The following NKTR variants were observed in gnomAD, a reference collection of about 807,000 sequenced individuals.
The protein encoded by NKTR is NK-tumor recognition protein.
Under a neutral mutation model 156.3 loss-of-function variants are expected in NKTR, and 67 were observed. That is an observed-to-expected ratio of 0.43 (90% CI 0.35 to 0.53). NKTR has a LOEUF of 0.53. Ranked by LOEUF, NKTR falls within the 20% of genes least tolerant of loss-of-function variation. NKTR has a pLI of 0.01. For synonymous variants in NKTR, 640 were observed against 596.6 expected (o/e 1.07, Z -1.06); for missense variants, 1,604 against 1,730.9 (o/e 0.93, Z 1.30).
At chr3:42,607,202 G>A (rs1356565747) in intron 2 of NKTR, among the ~76,000 whole-genome samples, 10 of 152,102 alleles carry the variant, frequency 6.6e-5, no homozygotes, top group East Asian at 1.9e-4. Context: ...TTTTTGTGTC[G>A]ATACTGTGTT....
intron 16 of NKTR, among the ~76,000 whole-genome samples, chr3:42,644,412 GT>G (rs1242074320): frequency 6.6e-6 from 1 of 152,052 alleles, no homozygotes; most frequent in African/African-American, 2.4e-5. Flanking sequence ...AGGTTTATAT[GT>G]TGTCAATTAT....
intron 2 of NKTR, among the ~76,000 whole-genome samples, chr3:42,609,751 T>G (rs1166932096): frequency 2.0e-5 from 3 of 152,238 alleles, no homozygotes; most frequent in Admixed American, 6.5e-5. Flanking sequence ...TTTGTTTTTA[T>G]AGATCCTATA....
At chr3:42,603,385 A>C (rs866111801) in intron 2 of NKTR, among the ~76,000 whole-genome samples, 96 of 148,934 alleles carry the variant, frequency 6.4e-4, no homozygotes, top group South Asian at 2.3e-3. Flanking sequence ...AAAAAAAAAA[A>C]CAGCTTAAGA....
chr3:42,617,755 A>G (rs1707511272), intron 3 of NKTR, 111 bp downstream of exon 3: 4 of 579,148 alleles, frequency 6.9e-6, no homozygotes, highest in Non-Finnish European at 1.2e-5. Flanking sequence ...AGTTTTGTGA[A>G]TTAAAAAAAA....
intron 6 of NKTR, chr3:42,629,026 A>T (rs1708655098): frequency 1.2e-6 from 1 of 841,510 alleles, no homozygotes. Context: ...AATAAAAATA[A>T]AAGCACTCTT....
chr3:42,629,782 C>G, intron 6 of NKTR: 4 of 985,392 alleles, frequency 4.1e-6, no homozygotes, highest in Non-Finnish European at 4.8e-6. Flanking sequence ...TTCAAAATAT[C>G]TTAACCAAAT....
At chr3:42,601,551 T>C (rs1269097299) in intron 2 of NKTR, 1 of 152,388 alleles carries the variant, frequency 6.6e-6, no homozygotes, top group Admixed American at 6.5e-5. Flanking sequence ...GGAAAATGGC[T>C]TAGTGAAGAT....
chr3:42,603,316 C>T (rs866647927), intron 2 of NKTR, among the ~76,000 whole-genome samples: 48 of 145,588 alleles, frequency 3.3e-4, no homozygotes, highest in African/African-American at 1.2e-3. Context: ...GCTATGATTG[C>T]ACCACTGCAC....
rs1412908750 is a variant in NKTR at position 42,638,385 on chromosome 3, A to T, written c.2681A>T (p.Asp894Val). The T allele has an allele frequency of 6.2e-7, 1 of 1,614,018 alleles. No homozygotes were observed. The highest frequency in any genetic ancestry group is 1.7e-5 in the Admixed American group (1 of 59,976). ...GACTCTGAGTCAAATTCAGAACGAG[A>T]TGTCACTAAAAACAGTAAAAATGAC... ...KWDSESNSER[D>V]VTKNSKNDSH... Residue 894 changes from aspartate (D) to valine (V), a missense_variant, in exon 13 of 17, where the codon GAT becomes GTT. Physicochemically the swap from Asp to Val is radical, Grantham distance 152. This residue lies in a region of NKTR where 1,255 missense variants were observed against 1,243.7 expected (regional missense o/e 1.01). Coordinates refer to ENST00000232978, the MANE Select transcript of NKTR (RefSeq NM_005385.4).
At chr3:42,631,837 C>A (rs1708933665) in intron 8 of NKTR, among the ~76,000 whole-genome samples, 1 of 152,200 alleles carries the variant, frequency 6.6e-6, no homozygotes, top group African/African-American at 2.4e-5. Flanking sequence ...TCATTGCCTT[C>A]CAGGCACATT....
chr3:42,628,862 C>T (rs553672943), intron 6 of NKTR: 10 of 253,224 alleles, frequency 3.9e-5, no homozygotes, highest in Non-Finnish European at 5.6e-5. Context: ...ATTAGATGGG[C>T]CTGGTGGCGC....
At chr3:42,612,026 A>G (rs1269499769) in intron 2 of NKTR, among the ~76,000 whole-genome samples, 2 of 152,204 alleles carry the variant, frequency 1.3e-5, no homozygotes, top group Admixed American at 6.5e-5. Flanking sequence ...GCTTGAGCCC[A>G]AGAGGTTGAG....
Position 42,637,486 on chromosome 3 carries a change from TGTA to T in NKTR, c.1789_1791del (p.Val597del), listed in dbSNP as rs773238742. On this transcript the variant is annotated inframe_deletion, in exon 13 of 17. Coordinates refer to ENST00000232978, the MANE Select transcript of NKTR (RefSeq NM_005385.4). ...GAGCAACCATGGCACAAAATGAAAATGTAGTAGTACAACCAGTTGTAGCAGAAA... is the reference window on the plus strand; with the variant it reads ...GAGCAACCATGGCACAAAATGAAAATGTAGTACAACCAGTTGTAGCAGAAA... 1.1e-5 allele frequency: 18 copies of T among 1,613,620 alleles called. No homozygotes were observed. Among genetic ancestry groups the T allele is most frequent in the African/African-American group, 5.3e-5 (4 of 74,804 alleles).
chr3:42,642,671 A>T, intron 14 of NKTR, 75 bp downstream of exon 14: 1 of 1,007,410 alleles, frequency 9.9e-7, no homozygotes, highest in Middle Eastern at 2.1e-4. Flanking sequence ...CAGAGGGGGT[A>T]GTTGTTGAGA....
intron 16 of NKTR, among the ~76,000 whole-genome samples, chr3:42,644,686 G>A (rs1206496830): frequency 6.6e-6 from 1 of 152,054 alleles, no homozygotes; most frequent in East Asian, 1.9e-4. Context: ...CACTCTTTCT[G>A]GCTTCCCTCC....
chr3:42,606,868 C>CT (rs57109449), intron 2 of NKTR, among the ~76,000 whole-genome samples: 8 of 150,206 alleles, frequency 5.3e-5, no homozygotes, highest in Non-Finnish European at 1.2e-4. Flanking sequence ...TTTCGTTTGG[C>CT]TTTTTTTTTA....
chr3:42,605,707 C>T lies in NKTR; in HGVS notation c.58+4643C>T, dbSNP rs371260772. Among the ~76,000 whole-genome samples, 14 of 152,254 alleles carry T rather than the reference C, an allele frequency of 9.2e-5. No homozygotes were observed. The East Asian group carries it at 1.3e-3, about 15-fold the overall frequency. ...TGAGGGAATAGGAGAAATGCATCTC[C>T]GCTCTCAAGGTCACCCTGGGTCATA... On this transcript the variant is annotated intron_variant, in intron 2 of 16. Coordinates refer to ENST00000232978, the MANE Select transcript of NKTR (RefSeq NM_005385.4).
At position 42,617,575 on chromosome 3, in the gene NKTR, C is replaced by T; in HGVS notation, c.64C>T (p.Arg22Cys). 2.5e-6 allele frequency: 4 copies of T among 1,578,804 alleles called. No individual in the cohort carries two copies. Among genetic ancestry groups the T allele is most frequent in the Non-Finnish European group, 3.5e-6 (4 of 1,148,974 alleles). Residue 22 changes from arginine (R) to cysteine (C), a missense_variant, in exon 3 of 17, where the codon CGC becomes TGC. By Grantham distance (180) the Arg-to-Cys change is radical (BLOSUM62 -3). Coordinates refer to ENST00000232978, the MANE Select transcript of NKTR (RefSeq NM_005385.4). ...TCCTATGTATTTTATTTCAGTTGGT[C>T]GCATTATGTTTCAGCTCTTCTCAGA... Reference protein sequence around the residue: ...DIEINREPVGRIMFQLFSDIC... With the variant: ...DIEINREPVGCIMFQLFSDIC...
chr3:42,617,775 A>G, intron 3 of NKTR, 131 bp downstream of exon 3: 2 of 512,298 alleles, frequency 3.9e-6, no homozygotes, highest in Non-Finnish European at 3.4e-6. Context: ...AAAAAGAGTT[A>G]CTTATACTGA....
Sources: gnomAD v4.1 joint callset for allele counts (sites outside exome capture counted in the v4.1 genomes callset) on GRCh38, gnomAD v4.1.1 for gene constraint, gnomAD v4.1.1 regional missense constraint, MANE v1.5 for transcripts, NCBI Gene and HGNC (gene_info 2026-07-23, HGNC 2026-07-21) for gene names.